LYPLAL1: variants seen among roughly 807,000 people sequenced by gnomAD.
LYPLAL1 encodes the protein lysophospholipase like 1, also known as lysophospholipase-like protein 1.
Under a neutral mutation model 19.7 loss-of-function variants are expected in LYPLAL1, and 23 were observed. The observed-to-expected ratio is 1.17, with a 90% confidence interval of 0.84 to 1.65. The LOEUF (loss-of-function observed/expected upper bound fraction) is 1.65. Among genes scored for constraint, LYPLAL1 ranks in the 40% most tolerant of loss-of-function variants. The probability of loss-of-function intolerance (pLI) is 0.00; values close to 1 mark genes in which losing one functional copy is unlikely to be tolerated. For missense variants in LYPLAL1, 355 were observed against 279.4 expected (o/e 1.27, Z -1.93); for synonymous variants, 119 against 96.3 (o/e 1.24, Z -1.38).
At chr1:219,306,849 T>TAGATAGATAGATAGATAGACAGACAGAC in the LYPLAL1 span, among the ~76,000 whole-genome samples, 105 of 135,390 alleles carry the variant, frequency 7.8e-4, 1 homozygote, top group Non-Finnish European at 1.2e-3. Context: ...GATAGATAGA[T>TAGATAGATAGATAGATAGACAGACAGAC]AGACAGACAG....
chr1:219,260,972 C>T, the LYPLAL1 span, among the ~76,000 whole-genome samples: 10 of 151,880 alleles, frequency 6.6e-5, no homozygotes, highest in Admixed American at 5.3e-4. Flanking sequence ...TTAAAACATG[C>T]CTTTCAATAA....
At chr1:219,200,072 G>A (rs1829978) in intron 3 of LYPLAL1, 224,194 of 229,954 alleles carry the variant, frequency 0.97, 109,564 homozygotes, top group East Asian at 1. Flanking sequence ...CCTTCCATCT[G>A]TTGAACAATG....
intron 3 of LYPLAL1, among the ~76,000 whole-genome samples, chr1:219,198,219 A>G (rs562311017): frequency 8.5e-5 from 13 of 152,148 alleles, no homozygotes; most frequent in Admixed American, 4.6e-4. Context: ...CAGCATATAC[A>G]GAAGTATTTC....
the LYPLAL1 span, among the ~76,000 whole-genome samples, chr1:219,420,068 A>G: frequency 0.55 from 83,047 of 152,038 alleles, 23,027 homozygotes; most frequent in South Asian, 0.59. Context: ...AAGTTCACAG[A>G]GGAGTAACTT....
the LYPLAL1 span, among the ~76,000 whole-genome samples, chr1:219,289,013 CAT>C: frequency 2.0e-5 from 3 of 151,180 alleles, no homozygotes; most frequent in Non-Finnish European, 4.4e-5. Flanking sequence ...GGATGATAAA[CAT>C]AGGCTCCTTT....
the LYPLAL1 span, among the ~76,000 whole-genome samples, chr1:219,432,926 G>T: frequency 4.6e-5 from 7 of 152,102 alleles, no homozygotes; most frequent in African/African-American, 1.7e-4. Flanking sequence ...TCCATGAAAT[G>T]GTGGCAAGGA....
chr1:219,419,592 C>CAGAGAGAGAGAGAGAGAGAGAGAGAG, the LYPLAL1 span, among the ~76,000 whole-genome samples: 6 of 62,680 alleles, frequency 9.6e-5, no homozygotes, highest in African/African-American at 2.8e-4. Context: ...CACACACACA[C>CAGAGAGAGAGAGAGAGAGAGAGAGAG]ACAGAGAGAG....
At chr1:219,394,579 C>G in the LYPLAL1 span, among the ~76,000 whole-genome samples, 1 of 152,180 alleles carries the variant, frequency 6.6e-6, no homozygotes, top group South Asian at 2.1e-4. Context: ...TGACATCATA[C>G]AATATTTTTC....
chr1:219,400,045 GC>G, the LYPLAL1 span, among the ~76,000 whole-genome samples: 14 of 152,132 alleles, frequency 9.2e-5, no homozygotes, highest in Admixed American at 9.2e-4. Flanking sequence ...CAAGGTAAGA[GC>G]ATGTTGCTTC....
At chr1:219,231,414 T>C in the LYPLAL1 span, among the ~76,000 whole-genome samples, 1 of 152,210 alleles carries the variant, frequency 6.6e-6, no homozygotes, top group African/African-American at 2.4e-5. Context: ...AAAATATTTG[T>C]ATTTTCTATC....
At chr1:219,189,669 A>G (rs1323505728) in intron 2 of LYPLAL1, among the ~76,000 whole-genome samples, 3 of 151,534 alleles carry the variant, frequency 2.0e-5, no homozygotes, top group Non-Finnish European at 3.0e-5. Context: ...GCAAGATTTT[A>G]TCTTTTCTGC....
At chr1:219,431,821 C>A in the LYPLAL1 span, among the ~76,000 whole-genome samples, 5 of 152,208 alleles carry the variant, frequency 3.3e-5, no homozygotes, top group Non-Finnish European at 7.3e-5. Flanking sequence ...TCAATATGGT[C>A]AACAGAGCTC....
the LYPLAL1 span, among the ~76,000 whole-genome samples, chr1:219,386,922 A>G: frequency 6.6e-6 from 1 of 152,218 alleles, no homozygotes; most frequent in African/African-American, 2.4e-5. Context: ...CCCAAGCCAT[A>G]CAAACCAGTG....
the LYPLAL1 span, among the ~76,000 whole-genome samples, chr1:219,252,427 T>C: frequency 6.6e-6 from 1 of 152,158 alleles, no homozygotes; most frequent in South Asian, 2.1e-4. Context: ...TTGTCATAGA[T>C]GGCTCTTATT....
the LYPLAL1 span, among the ~76,000 whole-genome samples, chr1:219,441,692 C>A: frequency 4.6e-5 from 7 of 152,184 alleles, no homozygotes; most frequent in Non-Finnish European, 8.8e-5. Flanking sequence ...CCACCACTAA[C>A]CATCATTGGA....
At chr1:219,403,890 C>G in the LYPLAL1 span, among the ~76,000 whole-genome samples, 2 of 152,014 alleles carry the variant, frequency 1.3e-5, no homozygotes, top group Non-Finnish European at 2.9e-5. Flanking sequence ...TTCAGCTTGA[C>G]TGCCATAACA....
the LYPLAL1 span, among the ~76,000 whole-genome samples, chr1:219,396,420 C>G: frequency 6.6e-6 from 1 of 152,120 alleles, no homozygotes; most frequent in African/African-American, 2.4e-5. Context: ...TATTCAGGTT[C>G]TCTTTTGGTT....
the LYPLAL1 span, among the ~76,000 whole-genome samples, chr1:219,433,107 A>C: frequency 6.6e-6 from 1 of 152,132 alleles, no homozygotes; most frequent in African/African-American, 2.4e-5. Flanking sequence ...CTGCTGGATT[A>C]ATGTGCTGAA....
the LYPLAL1 span, among the ~76,000 whole-genome samples, chr1:219,311,445 A>G: frequency 2.0e-5 from 3 of 152,100 alleles, no homozygotes; most frequent in South Asian, 6.2e-4. Flanking sequence ...GGTAGGAACA[A>G]TATCAGCATT....
Sources: gnomAD v4.1 joint callset for allele counts (sites outside exome capture counted in the v4.1 genomes callset) on GRCh38, gnomAD v4.1.1 for gene constraint, MANE v1.5 for transcripts, NCBI Gene and HGNC (gene_info 2026-07-23, HGNC 2026-07-21) for gene names.